PCDH11Y: variants seen among roughly 807,000 people sequenced by gnomAD.
The protein encoded by PCDH11Y is protocadherin 11 Y-linked.
For missense variants in PCDH11Y, 12 were observed against 224.8 expected, an observed-to-expected ratio of 0.05 and a Z score of 6.05; for synonymous variants, 9 against 83.6, an observed-to-expected ratio of 0.11 and a Z score of 4.87.
intron 1 of PCDH11Y, chrY:5,002,561 CTGTGTGTGTGTGTGTGCGCGCG>C (rs2052532310): frequency 3.3e-5 from 1 of 30,699 alleles, no homozygotes; most frequent in Non-Finnish European, 7.9e-5. Context: ...CTCTGTGGGT[CTGTGTGTGTGTGTGTGCGCGCG>C]TGTGTGTGTG....
chrY:5,403,699 A>G, intron 2 of PCDH11Y, among the ~76,000 whole-genome samples: 1 of 33,564 alleles, frequency 3.0e-5, no homozygotes, highest in East Asian at 7.8e-4. Context: ...CATAAAATTA[A>G]ATAACTATAT....
chrY:5,460,887 T>A (rs2124683768), intron 2 of PCDH11Y, among the ~76,000 whole-genome samples: 2 of 33,611 alleles, frequency 6.0e-5, no homozygotes, highest in East Asian at 1.6e-3. Flanking sequence ...CAGCCATAGA[T>A]ATTTAGTTAT....
At chrY:5,631,553 T>A (rs2124703741) in intron 4 of PCDH11Y, among the ~76,000 whole-genome samples, 1 of 33,298 alleles carries the variant, frequency 3.0e-5, no homozygotes, top group African/African-American at 1.2e-4. Flanking sequence ...TGGGAACTAT[T>A]TGGGGACGTA....
At position 5,140,842 on chromosome Y, in the gene PCDH11Y, A is replaced by AT. The variant is rs1175055125; in HGVS notation, c.3129+40148dup. ...TTAAACCTCCTGGTAAATCAAACTG[A>AT]TTTTTTTTTTTTTATTATTATACTC... On this transcript the variant is annotated intron_variant, in intron 2 of 4. Transcript: ENST00000400457. Among the ~76,000 whole-genome samples the AT allele has an allele frequency of 2.1e-3, 57 of 27,160 alleles. No individual in the cohort carries two copies. The East Asian group carries it at 0.026, about 12-fold the overall frequency. 72.9% of individuals were successfully genotyped at this position (27,160 alleles called of 37,273 possible).
chrY:5,486,708 CATATATATATATATATAT>C (rs2053332612), intron 2 of PCDH11Y, among the ~76,000 whole-genome samples: 2 of 5,101 alleles, frequency 3.9e-4, no homozygotes, highest in Non-Finnish European at 3.1e-4. Flanking sequence ...TATATATACA[CATATATATATATATATAT>C]ACACATATAT....
At chrY:5,589,872 T>C (rs2053459056) in intron 4 of PCDH11Y, among the ~76,000 whole-genome samples, 1 of 35,021 alleles carries the variant, frequency 2.9e-5, no homozygotes, top group Non-Finnish European at 7.3e-5. Context: ...TTTCCAGATA[T>C]TTCAAAGAAC....
chrY:5,448,047 T>A, intron 2 of PCDH11Y, among the ~76,000 whole-genome samples: 1 of 31,499 alleles, frequency 3.2e-5, no homozygotes, highest in Non-Finnish European at 7.7e-5. Context: ...TGTGCTGTTC[T>A]AGTTTGGCTG....
chrY:5,148,574 T>C (rs2124643264), intron 2 of PCDH11Y, among the ~76,000 whole-genome samples: 1 of 32,233 alleles, frequency 3.1e-5, no homozygotes, highest in East Asian at 8.2e-4. Flanking sequence ...TAAACATAAA[T>C]ACAGATGCTC....
chrY:5,738,194 T>C (rs2053613106), exon 5 of PCDH11Y: 1 of 128,820 alleles, frequency 7.8e-6, no homozygotes, highest in Non-Finnish European at 1.5e-5. Flanking sequence ...AGGCTTATCA[T>C]GACAGAGCGT....
At chrY:5,180,239 G>C in intron 2 of PCDH11Y, among the ~76,000 whole-genome samples, 1 of 32,097 alleles carries the variant, frequency 3.1e-5, no homozygotes, top group Non-Finnish European at 7.6e-5. Flanking sequence ...CCATGTAGTT[G>C]TGTGGTTTTG....
chrY:5,706,199 T>C (rs2053582938), intron 4 of PCDH11Y, among the ~76,000 whole-genome samples: 1 of 32,052 alleles, frequency 3.1e-5, no homozygotes, highest in African/African-American at 1.2e-4. Flanking sequence ...TCTTATTTCT[T>C]TTCATGAGAG....
chrY:5,621,007 C>T, intron 4 of PCDH11Y, among the ~76,000 whole-genome samples: 1 of 32,623 alleles, frequency 3.1e-5, no homozygotes, highest in Non-Finnish European at 7.5e-5. Flanking sequence ...TGCCCTGTCA[C>T]CACTTCTATT....
intron 2 of PCDH11Y, among the ~76,000 whole-genome samples, chrY:5,111,630 AAG>A (rs2052802753): frequency 5.9e-5 from 2 of 33,877 alleles, no homozygotes; most frequent in South Asian, 1.3e-3. Flanking sequence ...CGATAGAAAA[AAG>A]AGTTTTACAT....
intron 3 of PCDH11Y, chrY:5,574,426 C>T: frequency 2.9e-6 from 1 of 349,150 alleles, no homozygotes; most frequent in Non-Finnish European, 4.1e-6. Context: ...AGTTCTGAGG[C>T]ATTAAGCCAG....
chrY:5,079,898 A>C, intron 1 of PCDH11Y, among the ~76,000 whole-genome samples: 1 of 33,647 alleles, frequency 3.0e-5, no homozygotes, highest in Non-Finnish European at 7.4e-5. Flanking sequence ...AATTTTTCCA[A>C]ACTTTCATGC....
At chrY:5,012,579 G>A (rs2052552125) in intron 1 of PCDH11Y, among the ~76,000 whole-genome samples, 1 of 29,873 alleles carries the variant, frequency 3.3e-5, no homozygotes, top group African/African-American at 1.3e-4. Context: ...GTAGGGACCC[G>A]AATCCAAACC....
intron 2 of PCDH11Y, among the ~76,000 whole-genome samples, chrY:5,263,046 G>T: frequency 2.9e-5 from 1 of 33,921 alleles, no homozygotes; most frequent in Non-Finnish European, 7.3e-5. Context: ...CAATTGCACA[G>T]AAGTCAAGAA....
At chrY:5,320,568 C>A in intron 2 of PCDH11Y, among the ~76,000 whole-genome samples, 1 of 33,471 alleles carries the variant, frequency 3.0e-5, no homozygotes, top group African/African-American at 1.2e-4. Context: ...TCTTTAGACA[C>A]GTTCTTGAAT....
chrY:5,345,089 A>G, intron 2 of PCDH11Y, among the ~76,000 whole-genome samples: 1 of 34,800 alleles, frequency 2.9e-5, no homozygotes, highest in Non-Finnish European at 7.2e-5. Flanking sequence ...TGTCAAATTC[A>G]TATTTTACAC....
Sources: allele counts gnomAD v4.1 joint callset (sites outside exome capture counted in the v4.1 genomes callset), GRCh38; gene constraint gnomAD v4.1.1; transcripts MANE v1.5; gene names NCBI Gene and HGNC (gene_info 2026-07-23, HGNC 2026-07-21).